The following HAT1 variants were observed in gnomAD, a reference collection of about 807,000 sequenced individuals.
HAT1 encodes histone acetyltransferase type B catalytic subunit.
In HAT1, 20 loss-of-function variants were observed where a neutral mutation model predicts 56.6. The ratio of observed to expected loss-of-function variants is 0.35; its 90% CI spans 0.25 to 0.51. The LOEUF (loss-of-function observed/expected upper bound fraction) is 0.51. Among genes scored for constraint, HAT1 ranks in the 20% least tolerant of loss-of-function variants. The pLI is 0.95. For missense variants in HAT1, 408 were observed against 504.3 expected, an observed-to-expected ratio of 0.81 and a Z score of 1.83; for synonymous variants, 146 against 165.5, an observed-to-expected ratio of 0.88 and a Z score of 0.91.
intron 4 of HAT1, among the ~76,000 whole-genome samples, chr2:171,954,154 T>A (rs1687384555): frequency 6.6e-6 from 1 of 152,202 alleles, no homozygotes; most frequent in South Asian, 2.1e-4. Context: ...AGAGTTTTAT[T>A]TTTTTGCCAA....
intron 8 of HAT1, among the ~76,000 whole-genome samples, chr2:171,967,441 A>G (rs1574061413): frequency 6.6e-6 from 1 of 152,270 alleles, no homozygotes; most frequent in East Asian, 1.9e-4. Context: ...GGTGAAATGT[A>G]GGCCTATTTG....
Position 171,970,496 on chromosome 2 carries a change from C to CTTTTTTTTTT in HAT1, c.823+3579_823+3588dup, listed in dbSNP as rs61462189. Reference sequence around the variant, plus strand: ...TAAATCAGTATTAGCAATGCAGTTTCTTTTTTTTTTTTTTTTTTTTTTTTT... The same window carrying CTTTTTTTTTT: ...TAAATCAGTATTAGCAATGCAGTTTCTTTTTTTTTTTTTTTTTTTTTTTTTTTTTTTTTTT... On this transcript the variant is annotated intron_variant, in intron 8 of 10. Transcript: ENST00000264108. 6.7e-5 allele frequency among the ~76,000 whole-genome samples: 5 copies of CTTTTTTTTTT among 74,988 alleles called. 1 individual carries two copies. The highest frequency in any genetic ancestry group is 2.7e-4 in the African/African-American group (4 of 14,796). 49.2% of individuals were successfully genotyped at this position (74,988 alleles called of 152,430 possible).
intron 2 of HAT1, among the ~76,000 whole-genome samples, chr2:171,936,630 G>C (rs1420036167): frequency 6.6e-6 from 1 of 152,070 alleles, no homozygotes; most frequent in Non-Finnish European, 1.5e-5. Context: ...ATTAATTATG[G>C]CATCTCTAGG....
chr2:171,969,562 A>G (rs1687764056), intron 8 of HAT1, among the ~76,000 whole-genome samples: 1 of 152,226 alleles, frequency 6.6e-6, no homozygotes, highest in African/African-American at 2.4e-5. Flanking sequence ...TCTTTGTAGC[A>G]TAGAAACAAA....
intron 8 of HAT1, among the ~76,000 whole-genome samples, chr2:171,973,400 C>CAAAAA (rs67088559): frequency 2.2e-5 from 3 of 133,618 alleles, no homozygotes; most frequent in African/African-American, 8.5e-5. Flanking sequence ...CCAATTTCTG[C>CAAAAA]AAAAAAAAAA....
At chr2:171,936,261 C>T (rs907785243) in intron 2 of HAT1, among the ~76,000 whole-genome samples, 1 of 152,126 alleles carries the variant, frequency 6.6e-6, no homozygotes, top group Non-Finnish European at 1.5e-5. Context: ...GGGAGAGAGA[C>T]ATTAGTCTGA....
chr2:171,941,294 C>T (rs924408203), intron 2 of HAT1, among the ~76,000 whole-genome samples: 1 of 152,038 alleles, frequency 6.6e-6, no homozygotes, highest in Non-Finnish European at 1.5e-5. Context: ...CTCACTGCAA[C>T]CTCCACCTCC....
At chr2:171,956,617 A>G (rs944132455) in intron 4 of HAT1, among the ~76,000 whole-genome samples, 3 of 152,242 alleles carry the variant, frequency 2.0e-5, no homozygotes, top group Non-Finnish European at 4.4e-5. Context: ...TCCTTGTTCT[A>G]TAGTGGCAGA....
chr2:171,980,036 G>C (rs564224333), intron 10 of HAT1: 1 of 152,280 alleles, frequency 6.6e-6, no homozygotes, highest in South Asian at 2.1e-4. Flanking sequence ...AGAATCACTT[G>C]AACCCAAGAG....
At chr2:171,930,649 C>T (rs1040247148) in intron 2 of HAT1, among the ~76,000 whole-genome samples, 1 of 152,152 alleles carries the variant, frequency 6.6e-6, no homozygotes, top group African/African-American at 2.4e-5. Context: ...GTGGCTCACT[C>T]CATTGCCAAG....
chr2:171,975,027 T>C (rs1323548748), intron 8 of HAT1, among the ~76,000 whole-genome samples: 2 of 152,138 alleles, frequency 1.3e-5, no homozygotes, highest in Non-Finnish European at 2.9e-5. Flanking sequence ...TTTGTAGTTT[T>C]TGTCTTAGAT....
intron 2 of HAT1, among the ~76,000 whole-genome samples, chr2:171,939,517 C>T (rs1686964911): frequency 6.6e-6 from 1 of 152,178 alleles, no homozygotes; most frequent in Admixed American, 6.5e-5. Context: ...TAAAAGAAAT[C>T]TCTGGAGCGG....
intron 2 of HAT1, among the ~76,000 whole-genome samples, chr2:171,942,951 A>G (rs1044112182): frequency 8.5e-5 from 13 of 152,088 alleles, no homozygotes; most frequent in African/African-American, 3.1e-4. Flanking sequence ...CCAAAATGTC[A>G]TATAATATAC....
chr2:171,950,236 T>A (rs1687272261), intron 3 of HAT1, among the ~76,000 whole-genome samples: 1 of 152,064 alleles, frequency 6.6e-6, no homozygotes, highest in Non-Finnish European at 1.5e-5. Context: ...TGGCATGATC[T>A]TCTTGGCTCA....
intron 2 of HAT1, among the ~76,000 whole-genome samples, chr2:171,938,558 A>T (rs898025070): frequency 6.6e-6 from 1 of 152,052 alleles, no homozygotes; most frequent in Non-Finnish European, 1.5e-5. Flanking sequence ...TGACACCTGA[A>T]GTGTATTGCT....
intron 4 of HAT1, among the ~76,000 whole-genome samples, chr2:171,959,879 T>A (rs937858743): frequency 6.6e-6 from 1 of 152,192 alleles, no homozygotes; most frequent in Non-Finnish European, 1.5e-5. Flanking sequence ...ACCAGCCATG[T>A]TATAATCTGA....
intron 2 of HAT1, among the ~76,000 whole-genome samples, chr2:171,929,232 A>T (rs970667869): frequency 1.3e-5 from 2 of 152,020 alleles, no homozygotes; most frequent in African/African-American, 4.8e-5. Context: ...GCTATTAAGG[A>T]TTGTTTTTTT....
At chr2:171,972,245 T>G (rs1020564770) in intron 8 of HAT1, among the ~76,000 whole-genome samples, 18 of 137,732 alleles carry the variant, frequency 1.3e-4, no homozygotes, top group African/African-American at 3.9e-4. Flanking sequence ...GTTTTTGTTG[T>G]TTTTTTTTTT....
At chr2:171,979,436 A>G in intron 10 of HAT1, 73 bp downstream of exon 10, 1 of 755,242 alleles carries the variant, frequency 1.3e-6, no homozygotes, top group South Asian at 1.5e-5. Flanking sequence ...ACCAAATATC[A>G]GTATATGAGA....
Sources: gnomAD v4.1 joint callset for allele counts (sites outside exome capture counted in the v4.1 genomes callset) on GRCh38, gnomAD v4.1.1 for gene constraint, MANE v1.5 for transcripts, NCBI Gene and HGNC (gene_info 2026-07-23, HGNC 2026-07-21) for gene names.